The following TMEM120B variants were observed in gnomAD, a reference collection of about 807,000 sequenced individuals.
The protein encoded by TMEM120B is transmembrane protein 120B.
Under a neutral mutation model 55.5 loss-of-function variants are expected in TMEM120B, and 31 were observed. The observed-to-expected ratio is 0.56, with a 90% CI of 0.42 to 0.75. The LOEUF (loss-of-function observed/expected upper bound fraction) is 0.75. Among genes scored for constraint, TMEM120B ranks in the 30% least tolerant of loss-of-function variants. The pLI, the probability that TMEM120B is intolerant of heterozygous loss-of-function variation, is 0.00. For missense variants in TMEM120B, 399 were observed against 425.5 expected, an observed-to-expected ratio of 0.94 and a Z score of 0.55; for synonymous variants, 203 against 176.3, an observed-to-expected ratio of 1.15 and a Z score of -1.20.
chr12:121,722,776 A>G (rs954659113), intron 1 of TMEM120B, among the ~76,000 whole-genome samples: 1 of 152,100 alleles, frequency 6.6e-6, no homozygotes, highest in Admixed American at 6.6e-5. Flanking sequence ...CAAGAAGTCA[A>G]TGGCTGTCTC....
intron 3 of TMEM120B, among the ~76,000 whole-genome samples, chr12:121,749,379 A>T (rs1441789996): frequency 6.6e-6 from 1 of 152,154 alleles, no homozygotes; most frequent in South Asian, 2.1e-4. Flanking sequence ...TGGATTGCAA[A>T]CGATAGAAAA....
intron 1 of TMEM120B, among the ~76,000 whole-genome samples, chr12:121,727,564 G>A (rs923163827): frequency 5.9e-4 from 87 of 146,426 alleles, no homozygotes; most frequent in African/African-American, 1.9e-3. Flanking sequence ...AAAAAAGACC[G>A]TGCCCTGGTT....
At chr12:121,722,960 T>C (rs187335348) in intron 1 of TMEM120B, among the ~76,000 whole-genome samples, 30 of 151,804 alleles carry the variant, frequency 2.0e-4, no homozygotes, top group Middle Eastern at 3.4e-3. Context: ...GCAATTCTCT[T>C]GCCTCAGCCT....
rs1874211314 is a variant in TMEM120B, at chr12:121,775,552, G to C, written c.907-57G>C. The C allele has an allele frequency of 3.8e-6, 6 of 1,566,256 alleles. 1 individual carries two copies. Among genetic ancestry groups the C allele is most frequent in the Non-Finnish European group, 4.3e-6 (5 of 1,155,136 alleles). ...TGCTGGAGATTCTGGGGTGCTGGGG[G>C]CAGGGGTTCAGCAGGGCAGATGCCC... On this transcript the variant is annotated intron_variant, in intron 11 of 11. Transcript: ENST00000449592. This position sits in a 1 kb window ranked among gnomAD's most constrained non-coding sequence, Gnocchi z 4.3.
intron 5 of TMEM120B, 122 bp downstream of exon 5, chr12:121,752,345 G>T (rs1446030576): frequency 1.3e-6 from 1 of 774,108 alleles, no homozygotes; most frequent in Non-Finnish European, 2.2e-6. Context: ...ATGATGAGGT[G>T]TAGGGGAGAG....
chr12:121,759,592 C>T (rs551072650), intron 5 of TMEM120B, among the ~76,000 whole-genome samples: 14 of 152,010 alleles, frequency 9.2e-5, no homozygotes, highest in Admixed American at 1.3e-4. Context: ...GCAAGAAAAT[C>T]GCTTGAACCC....
intron 6 of TMEM120B, among the ~76,000 whole-genome samples, chr12:121,764,314 A>G: frequency 6.6e-6 from 1 of 152,086 alleles, no homozygotes; most frequent in Non-Finnish European, 1.5e-5. Context: ...TGAGGTCAGG[A>G]GTTTGAGACC....
At chr12:121,752,279 C>A (rs1873355170) in intron 5 of TMEM120B, 56 bp downstream of exon 5, 10 of 1,494,860 alleles carry the variant, frequency 6.7e-6, no homozygotes, top group Middle Eastern at 1.7e-4. Flanking sequence ...CAGGTGGGGG[C>A]CGGGAGAGAG....
intron 1 of TMEM120B, among the ~76,000 whole-genome samples, chr12:121,742,764 G>A (rs1027750948): frequency 1.9e-4 from 29 of 152,050 alleles, no homozygotes; most frequent in African/African-American, 6.8e-4. Context: ...TTTTAGTAGA[G>A]ACGGGGTTTT....
chr12:121,712,815 C>T lies in TMEM120B; in HGVS notation c.-81C>T, dbSNP rs981552852. The T allele has an allele frequency of 1.8e-6, 2 of 1,096,586 alleles. No homozygotes were observed. Among genetic ancestry groups the T allele is most frequent in the African/African-American group, 1.7e-5 (1 of 60,236 alleles). 67.9% of individuals were successfully genotyped at this position (1,096,586 alleles called of 1,614,324 possible). A position where few individuals can be genotyped will look rare whatever the true frequency, so the allele number is the denominator to read the frequency against. On this transcript the variant is annotated 5_prime_UTR_variant, in exon 1 of 12. Transcript: ENST00000449592. ...TGCCTCCGAGGGCGGTCGGCGAGCG[C>T]GCGGGCGTGGGGCGCTGGGGGGCCG...
intron 6 of TMEM120B, among the ~76,000 whole-genome samples, chr12:121,766,398 C>G (rs1195612516): frequency 6.6e-6 from 1 of 152,154 alleles, no homozygotes. Context: ...AATTTCCATT[C>G]AAGGAGGTCA....
intron 1 of TMEM120B, among the ~76,000 whole-genome samples, chr12:121,732,699 G>C (rs1321179520): frequency 1.3e-5 from 2 of 151,986 alleles, no homozygotes; most frequent in East Asian, 1.9e-4. Context: ...TAATAACAAG[G>C]CCGGACGCGG....
In TMEM120B at chr12:121,779,570, G is replaced by A. The variant is rs766964910; in HGVS notation, c.*3848G>A. The A allele has an allele frequency of 5.6e-6, 9 of 1,613,998 alleles. No individual in the cohort carries two copies. Among genetic ancestry groups the A allele is most frequent in the South Asian group, 1.1e-5 (1 of 91,096 alleles). On this transcript the variant is annotated 3_prime_UTR_variant, in exon 12 of 12. Coordinates refer to ENST00000449592, the MANE Select transcript of TMEM120B (RefSeq NM_001080825.2). ...TCAGAGCGCTGAGAGCCACCTTGGCGGCCTCCCGGAAGACGTCCTCCACAT... is the reference window on the plus strand; with the variant it reads ...TCAGAGCGCTGAGAGCCACCTTGGCAGCCTCCCGGAAGACGTCCTCCACAT...
chr12:121,749,331 C>G (rs1873203309), intron 3 of TMEM120B, among the ~76,000 whole-genome samples: 1 of 152,228 alleles, frequency 6.6e-6, no homozygotes, highest in African/African-American at 2.4e-5. Flanking sequence ...CCCTCTGTCC[C>G]TAGGCCTCTG....
intron 5 of TMEM120B, chr12:121,758,811 A>G (rs1873571087): frequency 2.0e-6 from 2 of 981,970 alleles, no homozygotes; most frequent in South Asian, 9.5e-5. Flanking sequence ...TGCTGTGGTC[A>G]CCATGGAGGA....
chr12:121,741,803 T>C (rs1872940645), intron 1 of TMEM120B, among the ~76,000 whole-genome samples: 1 of 151,520 alleles, frequency 6.6e-6, no homozygotes, highest in Non-Finnish European at 1.5e-5. Flanking sequence ...CAACTTGAAA[T>C]TATTTTAAAA....
Position 121,746,218 on chromosome 12 carries a change from G to C in TMEM120B, c.189-2108G>C, listed in dbSNP as rs577948308. ...TTTTTTTTTTTTGAGACAGAGTTTC[G>C]CTCTTGTTGCCCAGGCTGGAGTGCA... is the stretch of plus-strand genomic sequence containing the variant. On this transcript the variant is annotated intron_variant, in intron 2 of 11. Transcript: ENST00000449592. Among the ~76,000 whole-genome samples, 15 of 132,146 alleles carry C rather than the reference G, an allele frequency of 1.1e-4. 1 individual carries two copies. The South Asian group carries it at 3.3e-3, about 29-fold the overall frequency. 86.7% of individuals were successfully genotyped at this position (132,146 alleles called of 152,430 possible).
intron 1 of TMEM120B, among the ~76,000 whole-genome samples, chr12:121,742,609 G>A (rs920768453): frequency 6.6e-6 from 1 of 151,880 alleles, no homozygotes; most frequent in Non-Finnish European, 1.5e-5. Flanking sequence ...TTTTTGAGAC[G>A]GAGTTTCATA....
chr12:121,715,923 A>G (rs1416048632), intron 1 of TMEM120B, among the ~76,000 whole-genome samples: 1 of 151,230 alleles, frequency 6.6e-6, no homozygotes, highest in East Asian at 1.9e-4. Flanking sequence ...TGAACTCTCA[A>G]GATGCAAGGC....
Sources: gnomAD v4.1 joint callset for allele counts (sites outside exome capture counted in the v4.1 genomes callset) on GRCh38, gnomAD v4.1.1 for gene constraint, Gnocchi (gnomAD v3.1) non-coding constraint, MANE v1.5 for transcripts, NCBI Gene and HGNC (gene_info 2026-07-23, HGNC 2026-07-21) for gene names.